The following CELSR3 variants were observed in gnomAD, a reference collection of about 807,000 sequenced individuals.
CELSR3 encodes cadherin EGF LAG seven-pass G-type receptor 3, also known as EGF-like protein 1.
A neutral mutation model predicts 270.0 loss-of-function variants in CELSR3; 73 were observed. That is an observed-to-expected ratio of 0.27 (90% CI 0.22 to 0.33). The LOEUF is 0.33. Ranked by LOEUF, CELSR3 falls within the 10% of genes least tolerant of loss-of-function variation. The pLI, the probability that CELSR3 is intolerant of heterozygous loss-of-function variation, is 1.00. For missense variants in CELSR3, 3,614 were observed against 4,533.8 expected (o/e 0.80, Z 5.83); for synonymous variants, 1,780 against 1,905.4 (o/e 0.93, Z 1.71).
intron 34 of CELSR3, among the ~76,000 whole-genome samples, 184 bp from the exon 35 acceptor site, chr3:48,638,416 A>T (rs2046992590): frequency 6.6e-6 from 1 of 151,810 alleles, no homozygotes; most frequent in African/African-American, 2.4e-5. Context: ...GCGCCCCTAG[A>T]CTCAGCCAGG....
chr3:48,638,510 T>C (rs1029775230), intron 34 of CELSR3, among the ~76,000 whole-genome samples: 2 of 152,150 alleles, frequency 1.3e-5, no homozygotes, highest in East Asian at 1.9e-4. Flanking sequence ...TTGACAGATA[T>C]TATCTCATAG....
At position 48,641,292 on chromosome 3, in the gene CELSR3, C is replaced by T; in HGVS notation, c.9025+32G>A. The T allele has an allele frequency of 7.0e-7, 1 of 1,437,394 alleles. No individual in the cohort carries two copies. The highest frequency in any genetic ancestry group is 9.8e-7 in the Non-Finnish European group (1 of 1,022,450). 89.0% of individuals were successfully genotyped at this position (1,437,394 alleles called of 1,614,324 possible). On this transcript the variant is annotated intron_variant, in intron 33 of 34. Coordinates refer to ENST00000164024, the MANE Select transcript of CELSR3 (RefSeq NM_001407.3). This position sits in a 1 kb window ranked among gnomAD's most constrained non-coding sequence, Gnocchi z 4.8. Reference sequence around the variant, plus strand: ...AGGGCATGAGCAGCCCCCAGCGTGTCTGCGGTGTGGGCCAGGGCTCAGGGA... The same window carrying T: ...AGGGCATGAGCAGCCCCCAGCGTGTTTGCGGTGTGGGCCAGGGCTCAGGGA...
In CELSR3 at chr3:48,645,160, G is replaced by T; in HGVS notation, c.7847C>A (p.Thr2616Asn). ...AILLHYFFLS[T>N]FAWLFVQGLH... ...CCCCTGCACGAAGAGCCACGCGAAGGTGCTGAGGAAGAAGTAGTGCAGGAG... is the reference window on the plus strand; with the variant it reads ...CCCCTGCACGAAGAGCCACGCGAAGTTGCTGAGGAAGAAGTAGTGCAGGAG... The change falls in exon 25 of 35, where the codon ACC becomes AAC. Residue 2616 changes from threonine (T) to asparagine (N), a missense_variant. By Grantham distance (65) the Thr-to-Asn change is moderately conservative. Around this residue, in one of 7 missense-constraint regions of CELSR3, gnomAD observed 1,240 missense variants for 1,351.7 expected, o/e 0.92. Transcript: ENST00000164024. The surrounding 1 kb of genome is among the most constrained non-coding windows in gnomAD (Gnocchi z 5.4). The T allele has an allele frequency of 6.3e-7, 1 of 1,595,590 alleles. No homozygotes were observed. Among genetic ancestry groups the T allele is most frequent in the Non-Finnish European group, 8.6e-7 (1 of 1,166,162 alleles).
Position 48,654,165 on chromosome 3 carries a change from CT to C in CELSR3, c.5152+123del. 4.7e-6 allele frequency: 7 copies of C among 1,503,226 alleles called. No homozygotes were observed. Among genetic ancestry groups the C allele is most frequent in the Non-Finnish European group, 6.3e-6 (7 of 1,111,172 alleles). The allele number at this position is 1,503,226 out of a possible 1,614,324, so 93.1% of individuals were successfully genotyped here. ...GTTGGTAAGAGTCAGGCCCTAAAAT[CT>C]GGGCTGTAGCATGGTGCTTGCCACC... On this transcript the variant is annotated intron_variant, in intron 7 of 34. Coordinates refer to ENST00000164024, the MANE Select transcript of CELSR3 (RefSeq NM_001407.3). The surrounding 1 kb of genome is among the most constrained non-coding windows in gnomAD (Gnocchi z 5.4).
At position 48,650,619 on chromosome 3, in the gene CELSR3, T is replaced by G; in HGVS notation, c.6371-38A>C. ...GAGGTGCTGAGCCAGGCAGTCAGGG[T>G]ACAGGGCAGTTGACAGCCACACCCA... On this transcript the variant is annotated intron_variant, in intron 15 of 34. Transcript: ENST00000164024. This position sits in a 1 kb window ranked among gnomAD's most constrained non-coding sequence, Gnocchi z 5.1. 15 of 1,534,536 alleles carry G rather than the reference T, an allele frequency of 9.8e-6. No individual in the cohort carries two copies. The highest frequency in any genetic ancestry group is 2.8e-5 in the African/African-American group (2 of 71,810).
In CELSR3 at chr3:48,644,627, C is replaced by T; in HGVS notation, c.8085+89G>A. 1 of 1,057,562 alleles carries T rather than the reference C, an allele frequency of 9.5e-7. No individual in the cohort carries two copies. The highest frequency in any genetic ancestry group is 1.4e-5 in the South Asian group (1 of 71,862). The allele number at this position is 1,057,562 out of a possible 1,614,324, so 65.5% of individuals were successfully genotyped here. Reference sequence around the variant, plus strand: ...CGAGCCCAGGAAGCCTGCAGAATGCCACCTGACCGCCCTCAGCTGAGTCCA... The same window carrying T: ...CGAGCCCAGGAAGCCTGCAGAATGCTACCTGACCGCCCTCAGCTGAGTCCA... On this transcript the variant is annotated intron_variant, in intron 26 of 34. Coordinates refer to ENST00000164024, the MANE Select transcript of CELSR3 (RefSeq NM_001407.3). The surrounding 1 kb of genome is among the most constrained non-coding windows in gnomAD (Gnocchi z 4.8).
In CELSR3 at chr3:48,644,630, C is replaced by T; in HGVS notation, c.8085+86G>A. The T allele has an allele frequency of 1.8e-6, 2 of 1,096,648 alleles. No individual in the cohort carries two copies. The highest frequency in any genetic ancestry group is 2.7e-5 in the South Asian group (2 of 73,376). The allele number at this position is 1,096,648 out of a possible 1,614,324, so 67.9% of individuals were successfully genotyped here. Reference sequence around the variant, plus strand: ...GCCCAGGAAGCCTGCAGAATGCCACCTGACCGCCCTCAGCTGAGTCCACTG... The same window carrying T: ...GCCCAGGAAGCCTGCAGAATGCCACTTGACCGCCCTCAGCTGAGTCCACTG... On this transcript the variant is annotated intron_variant, in intron 26 of 34. Coordinates refer to ENST00000164024, the MANE Select transcript of CELSR3 (RefSeq NM_001407.3). This position sits in a 1 kb window ranked among gnomAD's most constrained non-coding sequence, Gnocchi z 4.8.
chr3:48,655,823 G>T lies in CELSR3; in HGVS notation c.4654C>A (p.Leu1552Ile), dbSNP rs1283077184. 7.3e-7 allele frequency: 1 copy of T among 1,370,020 alleles called. No homozygotes were observed. The highest frequency in any genetic ancestry group is 9.7e-7 in the Non-Finnish European group (1 of 1,027,724). The allele number at this position is 1,370,020 out of a possible 1,614,324, so 84.9% of individuals were successfully genotyped here. A position where few individuals can be genotyped will look rare whatever the true frequency, so the allele number is the denominator to read the frequency against. Reference protein sequence around the residue: ...SFATVQQSGLLFYNGRLNEKH... With the variant: ...SFATVQQSGLIFYNGRLNEKH... ...TCGTTCAGGCGCCCGTTGTAGAAGA[G>T]CAGCCCGCTCTGCTGCACTGTCGCG... The change falls in exon 4 of 35, where the codon CTC (leucine) becomes ATC (isoleucine). Residue 1552 changes from leucine (L) to isoleucine (I), a missense_variant. By Grantham distance (5) the Leu-to-Ile change is conservative (BLOSUM62 2). Transcript: ENST00000164024. This position sits in a 1 kb window ranked among gnomAD's most constrained non-coding sequence, Gnocchi z 5.8.
chr3:48,638,562 C>T (rs957344428), intron 34 of CELSR3, among the ~76,000 whole-genome samples: 3 of 151,506 alleles, frequency 2.0e-5, no homozygotes, highest in Admixed American at 1.3e-4. Flanking sequence ...GACTTCTTTA[C>T]AGATGAGGAA....
In CELSR3 at chr3:48,662,808, C is replaced by T; in HGVS notation, c.-174G>A. ...GCACCATCTACTCCGCGGCCGGAGC[C>T]CCTCCGGCGTGCGGCCCTGGCTTTT... is the stretch of plus-strand genomic sequence containing the variant. On this transcript the variant is annotated 5_prime_UTR_variant, in exon 1 of 35. Transcript: ENST00000164024. This position sits in a 1 kb window ranked among gnomAD's most constrained non-coding sequence, Gnocchi z 7.1. 1 of 304,530 alleles carries T rather than the reference C, an allele frequency of 3.3e-6. No homozygotes were observed. The highest frequency in any genetic ancestry group is 6.1e-5 in the East Asian group (1 of 16,284). 18.9% of individuals were successfully genotyped at this position (304,530 alleles called of 1,614,324 possible). A position where few individuals can be genotyped will look rare whatever the true frequency, so the allele number is the denominator to read the frequency against.
Position 48,655,638 on chromosome 3 carries a change from G to A in CELSR3, c.4741+98C>T, listed in dbSNP as rs2047173817. 9.4e-7 allele frequency: 1 copy of A among 1,059,822 alleles called. No homozygotes were observed. The highest frequency in any genetic ancestry group is 1.6e-5 in the African/African-American group (1 of 64,406). The allele number at this position is 1,059,822 out of a possible 1,614,324, so 65.7% of individuals were successfully genotyped here. A position where few individuals can be genotyped will look rare whatever the true frequency, so the allele number is the denominator to read the frequency against. ...CTTCAGGGCTTGCATGGCGTGGAGT[G>A]TGTGCTCAGGTGCACAGTGAAGCAA... On this transcript the variant is annotated intron_variant, in intron 4 of 34. Transcript: ENST00000164024. The surrounding 1 kb of genome is among the most constrained non-coding windows in gnomAD (Gnocchi z 5.8).
chr3:48,648,116 T>C, intron 19 of CELSR3, 120 bp from the exon 20 acceptor site: 1 of 1,447,106 alleles, frequency 6.9e-7, no homozygotes, highest in Non-Finnish European at 9.4e-7. Flanking sequence ...TGCTACCAGC[T>C]CGGAGCCTGT....
At position 48,661,486 on chromosome 3, in the gene CELSR3, G is replaced by A. The variant is rs1482498642; in HGVS notation, c.1149C>T (p.Gly383=). ...LELFSIDPQS[G]LIRTAAALDR... ...CCAGAGCTGCCGCCGTACGGATAAG[G>A]CCGCTCTGCGGGTCGATGCTGAACA... The change falls in exon 1 of 35, where the codon GGC becomes GGT. Residue 383 remains glycine, a synonymous_variant. Coordinates refer to ENST00000164024, the MANE Select transcript of CELSR3 (RefSeq NM_001407.3). The A allele has an allele frequency of 6.2e-7, 1 of 1,604,708 alleles. No homozygotes were observed. The highest frequency in any genetic ancestry group is 8.5e-7 in the Non-Finnish European group (1 of 1,175,570).
Position 48,660,310 on chromosome 3 carries a change from C to T in CELSR3, c.2325G>A (p.Val775=), listed in dbSNP as rs757685867. 8.1e-6 allele frequency: 13 copies of T among 1,614,036 alleles called. No homozygotes were observed. The highest frequency in any genetic ancestry group is 6.7e-5 in the East Asian group (3 of 44,900). ...CACGGTCTACTGCGGTCACGCTGACCACACTGGTGCCCACAGCTGCATCCT... is the reference window on the plus strand; with the variant it reads ...CACGGTCTACTGCGGTCACGCTGACTACACTGGTGCCCACAGCTGCATCCT... ...LNEDAAVGTS[V]VSVTAVDRDA... is the part of the protein sequence containing the mutation. The change falls in exon 1 of 35, where the codon GTG becomes GTA. Residue 775 remains valine, a synonymous_variant. Transcript: ENST00000164024. The surrounding 1 kb of genome is among the most constrained non-coding windows in gnomAD (Gnocchi z 5.5).
intron 28 of CELSR3, 159 bp downstream of exon 28, chr3:48,643,395 A>G: frequency 2.0e-6 from 2 of 1,009,882 alleles, no homozygotes; most frequent in Non-Finnish European, 2.8e-6. Flanking sequence ...GCCTGGGGGC[A>G]GCAGCTAGGG....
At position 48,645,531 on chromosome 3, in the gene CELSR3, T is replaced by C. The variant is rs1559477171; in HGVS notation, c.7709A>G (p.Asn2570Ser). 7.4e-6 allele frequency: 12 copies of C among 1,612,758 alleles called. No homozygotes were observed. The highest frequency in any genetic ancestry group is 9.3e-6 in the Non-Finnish European group (11 of 1,180,004). Residue 2570 changes from asparagine to serine, a missense_variant, in exon 24 of 35, where the codon AAT (asparagine) becomes AGT (serine). Transcript: ENST00000164024. This position sits in a 1 kb window ranked among gnomAD's most constrained non-coding sequence, Gnocchi z 5.4. Reference sequence around the variant, plus strand: ...CACATTGGCATGGATCCCACGCACATTGGACTTGAGGCTGCGCAGGCTCAG... The same window carrying C: ...CACATTGGCATGGATCCCACGCACACTGGACTTGAGGCTGCGCAGGCTCAG... Reference protein sequence around the residue: ...ILLSLRSLKSNVRGIHANVAA... With the variant: ...ILLSLRSLKSSVRGIHANVAA...
In CELSR3 at chr3:48,657,197, A is replaced by C. The variant is rs1056482387; in HGVS notation, c.3900T>G (p.Ala1300=). ...CCTCAGCGGGCGTAGCGAGCACCGC[A>C]GCCACGCCCTCGAGGAAGCGGCCCA... The part of the protein sequence containing the change: ...PLLGRFLEGV[A]AVLATPAEDV... The change falls in exon 2 of 35, where the codon GCT becomes GCG. Residue 1300 remains alanine (A), a synonymous_variant. Coordinates refer to ENST00000164024, the MANE Select transcript of CELSR3 (RefSeq NM_001407.3). The surrounding 1 kb of genome is among the most constrained non-coding windows in gnomAD (Gnocchi z 5.4). 1.9e-6 allele frequency: 3 copies of C among 1,613,798 alleles called. No homozygotes were observed. In the African/African-American group the frequency reaches 4.0e-5, roughly 22 times the overall value.
Position 48,640,565 on chromosome 3 carries a change from A to G in CELSR3, c.9026-6T>C. On this transcript the variant is annotated splice_region_variant and splice_polypyrimidine_tract_variant and intron_variant, in intron 33 of 34. Transcript: ENST00000164024. The surrounding 1 kb of genome is among the most constrained non-coding windows in gnomAD (Gnocchi z 7.5). The stretch of plus-strand genomic sequence containing the variant: ...CAACCGGTTCTTCAGGATGCCTGTG[A>G]GAGGAAGAAAATGGGGGGCAGGGTT... The G allele has an allele frequency of 6.4e-7, 1 of 1,558,502 alleles. No individual in the cohort carries two copies. Among genetic ancestry groups the G allele is most frequent in the Non-Finnish European group, 8.7e-7 (1 of 1,147,978 alleles).
In CELSR3 at chr3:48,640,979, A is replaced by T; in HGVS notation, c.9025+345T>A. On this transcript the variant is annotated intron_variant, in intron 33 of 34. Coordinates refer to ENST00000164024, the MANE Select transcript of CELSR3 (RefSeq NM_001407.3). The surrounding 1 kb of genome is among the most constrained non-coding windows in gnomAD (Gnocchi z 7.5). ...CTCTTCTCCGGGTCCCCATAAAAGC[A>T]GAGTAGGGGGCAGAAATCTTCCAGA... The T allele has an allele frequency of 2.9e-6, 1 of 342,754 alleles. No homozygotes were observed. Among genetic ancestry groups the T allele is most frequent in the Non-Finnish European group, 5.3e-6 (1 of 187,970 alleles). The allele number at this position is 342,754 out of a possible 1,614,324, so 21.2% of individuals were successfully genotyped here. A position where few individuals can be genotyped will look rare whatever the true frequency, so the allele number is the denominator to read the frequency against.
Sources: allele counts gnomAD v4.1 joint callset (sites outside exome capture counted in the v4.1 genomes callset), GRCh38; gene constraint gnomAD v4.1.1; regional missense constraint gnomAD v4.1.1; non-coding constraint Gnocchi (gnomAD v3.1); transcripts MANE v1.5; gene names NCBI Gene and HGNC (gene_info 2026-07-23, HGNC 2026-07-21).